The following PARP8 variants were observed in gnomAD, a reference collection of about 807,000 sequenced individuals.
PARP8 encodes poly(ADP-ribose) polymerase family member 8, also known as protein mono-ADP-ribosyltransferase PARP8.
PARP8 carries 51 observed loss-of-function variants against 124.1 expected under a neutral mutation model. The ratio of observed to expected loss-of-function variants is 0.41; its 90% confidence interval spans 0.33 to 0.52. The LOEUF is 0.52. Among genes scored for constraint, PARP8 ranks in the 20% least tolerant of loss-of-function variants. The pLI is 0.21. For synonymous variants in PARP8, 391 were observed against 361.5 expected (o/e 1.08, Z -0.93); for missense variants, 860 against 1,018.9 (o/e 0.84, Z 2.12).
intron 2 of PARP8, among the ~76,000 whole-genome samples, chr5:50,670,965 C>T (rs1404553775): frequency 1.3e-5 from 2 of 152,186 alleles, no homozygotes; most frequent in African/African-American, 4.8e-5. Flanking sequence ...TTTATTCTAG[C>T]AATGATCTTG....
chr5:50,748,788 G>C (rs2463797), intron 2 of PARP8, among the ~76,000 whole-genome samples: 80,717 of 151,852 alleles, frequency 0.53, 23,366 homozygotes, highest in East Asian at 0.64. Context: ...TCAGCAGTTT[G>C]ACTGCATGTA....
intron 15 of PARP8, among the ~76,000 whole-genome samples, chr5:50,815,917 A>G (rs1282183963): frequency 6.6e-6 from 1 of 152,214 alleles, no homozygotes; most frequent in Non-Finnish European, 1.5e-5. Flanking sequence ...AGTATGTAAT[A>G]AAAAGAGAAC....
chr5:50,835,374 C>T (rs910301271), intron 25 of PARP8, among the ~76,000 whole-genome samples: 6 of 152,070 alleles, frequency 3.9e-5, no homozygotes, highest in South Asian at 2.1e-4. Flanking sequence ...GAAACGCTAT[C>T]TCTACTAAAA....
At chr5:50,702,167 A>G (rs1280664910) in intron 2 of PARP8, among the ~76,000 whole-genome samples, 1 of 152,182 alleles carries the variant, frequency 6.6e-6, no homozygotes, top group Non-Finnish European at 1.5e-5. Context: ...TAACTTTTAA[A>G]AAATAACATT....
intron 7 of PARP8, among the ~76,000 whole-genome samples, chr5:50,772,361 A>G (rs1761712318): frequency 6.6e-6 from 1 of 152,200 alleles, no homozygotes. Context: ...CCTTTGGTTA[A>G]ATGTCCAATC....
intron 25 of PARP8, among the ~76,000 whole-genome samples, chr5:50,840,776 A>C (rs1748095896): frequency 6.6e-6 from 1 of 151,922 alleles, no homozygotes; most frequent in Admixed American, 6.6e-5. Flanking sequence ...GTAACAGAGC[A>C]CTTACTGTCC....
At chr5:50,759,972 AATATTTTCCTACATAGTG>A (rs1187899216) in intron 4 of PARP8, among the ~76,000 whole-genome samples, 3 of 152,186 alleles carry the variant, frequency 2.0e-5, no homozygotes, top group African/African-American at 7.2e-5. Context: ...CTGTTGTAAA[AATATTTTCCTACATAGTG>A]ACAGACTGAA....
intron 2 of PARP8, among the ~76,000 whole-genome samples, chr5:50,725,278 T>G (rs887732489): frequency 2.6e-5 from 4 of 152,054 alleles, no homozygotes; most frequent in African/African-American, 9.7e-5. Context: ...TTAAAGTACT[T>G]AAATGCCTTT....
chr5:50,680,317 G>C (rs1751146627), intron 2 of PARP8, among the ~76,000 whole-genome samples: 1 of 151,896 alleles, frequency 6.6e-6, no homozygotes, highest in Non-Finnish European at 1.5e-5. Flanking sequence ...GACTCTCATG[G>C]CTGTTGCTAT....
At chr5:50,709,660 T>C (rs1476592424) in intron 2 of PARP8, among the ~76,000 whole-genome samples, 1 of 151,920 alleles carries the variant, frequency 6.6e-6, no homozygotes, top group East Asian at 1.9e-4. Context: ...GCCACAGGCT[T>C]ACAGTGTCTT....
intron 1 of PARP8, chr5:50,667,665 G>T: frequency 1.4e-6 from 1 of 699,684 alleles, no homozygotes; most frequent in South Asian, 1.5e-5. Context: ...CGGCCCCTTC[G>T]GCTCCCTCTA....
chr5:50,706,335 C>A (rs1754146491), intron 2 of PARP8, among the ~76,000 whole-genome samples: 1 of 151,312 alleles, frequency 6.6e-6, no homozygotes, highest in African/African-American at 2.4e-5. Context: ...TTTTAGGAAA[C>A]CTTTATGTTT....
intron 3 of PARP8, among the ~76,000 whole-genome samples, chr5:50,758,467 G>A (rs1042899820): frequency 2.6e-5 from 4 of 152,108 alleles, no homozygotes; most frequent in Non-Finnish European, 4.4e-5. Flanking sequence ...TGCTACAGAT[G>A]TTTCTTTGGA....
chr5:50,701,393 C>T (rs1249177417), intron 2 of PARP8, among the ~76,000 whole-genome samples: 1 of 152,020 alleles, frequency 6.6e-6, no homozygotes, highest in Non-Finnish European at 1.5e-5. Context: ...TAAAGTTATG[C>T]TTTGGCATAG....
intron 7 of PARP8, among the ~76,000 whole-genome samples, chr5:50,775,545 A>G (rs1212445066): frequency 1.3e-5 from 2 of 152,224 alleles, no homozygotes; most frequent in Non-Finnish European, 2.9e-5. Context: ...ACAGAGGGAA[A>G]CCGTGGAAAG....
chr5:50,840,984 A>G (rs570633719), intron 25 of PARP8, among the ~76,000 whole-genome samples: 1 of 151,932 alleles, frequency 6.6e-6, no homozygotes, highest in Admixed American at 6.6e-5. Context: ...AAATGCAGTT[A>G]TCACTTGATG....
At chr5:50,802,679 G>A (rs570163226) in intron 14 of PARP8, among the ~76,000 whole-genome samples, 12 of 152,078 alleles carry the variant, frequency 7.9e-5, no homozygotes, top group South Asian at 4.1e-4. Flanking sequence ...GTGGAAGTAC[G>A]TGTAATTGCT....
chr5:50,697,608 T>G (rs1337868814), intron 2 of PARP8, among the ~76,000 whole-genome samples: 1 of 152,170 alleles, frequency 6.6e-6, no homozygotes, highest in African/African-American at 2.4e-5. Flanking sequence ...CTCCTGGGCT[T>G]AAGCAATCCT....
chr5:50,707,158 G>T (rs974856436), intron 2 of PARP8, among the ~76,000 whole-genome samples: 3 of 151,996 alleles, frequency 2.0e-5, no homozygotes, highest in African/African-American at 7.2e-5. Flanking sequence ...TAAATCAGAC[G>T]CTTGTCAGAC....
Sources: allele counts gnomAD v4.1 joint callset (sites outside exome capture counted in the v4.1 genomes callset), GRCh38; gene constraint gnomAD v4.1.1; transcripts MANE v1.5; gene names NCBI Gene and HGNC (gene_info 2026-07-23, HGNC 2026-07-21).